Variants in AATF observed in about 807,000 individuals in gnomAD.
The protein encoded by AATF is apoptosis antagonizing transcription factor, also known as protein AATF.
A neutral mutation model predicts 63.7 loss-of-function variants in AATF; 48 were observed. That is an observed-to-expected ratio of 0.75 (90% CI 0.60 to 0.96). The LOEUF is 0.96. Ranked by LOEUF, AATF falls within the 40% of genes least tolerant of loss-of-function variation. AATF has a pLI of 0.00. For synonymous variants in AATF, 258 were observed against 247.7 expected, an observed-to-expected ratio of 1.04 and a Z score of -0.39; for missense variants, 639 against 685.7, an observed-to-expected ratio of 0.93 and a Z score of 0.76.
intron 1 of AATF, 58 bp downstream of exon 1, chr17:36,949,274 A>T: frequency 6.7e-7 from 1 of 1,496,772 alleles, no homozygotes; most frequent in South Asian, 1.2e-5. Flanking sequence ...CTGTGGGGCA[A>T]GGGGGCGGCG....
chr17:36,962,135 AT>A (rs1468020803), intron 4 of AATF, among the ~76,000 whole-genome samples: 2 of 152,242 alleles, frequency 1.3e-5, no homozygotes, highest in Non-Finnish European at 2.9e-5. Flanking sequence ...TAGGTGGGAA[AT>A]GAAGGCAATC....
At chr17:36,954,005 G>T in intron 4 of AATF, 98 bp downstream of exon 4, 1 of 1,336,496 alleles carries the variant, frequency 7.5e-7, no homozygotes, top group Non-Finnish European at 1.0e-6. Context: ...CATGTTTATT[G>T]TGCTTTCTTC....
At position 36,955,824 on chromosome 17, in the gene AATF, G is replaced by A. The variant is rs1285454666; in HGVS notation, c.832+1917G>A. Among the ~76,000 whole-genome samples, 3 of 152,260 alleles carry A rather than the reference G, an allele frequency of 2.0e-5. No homozygotes were observed. The East Asian group carries it at 5.8e-4, about 29-fold the overall frequency. On this transcript the variant is annotated intron_variant, in intron 4 of 11. Transcript: ENST00000619387. ...GTTGCCCAGGCTGGAGTGCAGTAGC[G>A]TGATCATAGCTCGTTGCAGCTTCGA...
intron 8 of AATF, among the ~76,000 whole-genome samples, chr17:36,993,310 C>G (rs2071229779): frequency 6.6e-6 from 1 of 152,164 alleles, no homozygotes; most frequent in Non-Finnish European, 1.5e-5. Flanking sequence ...GTTTTCCTCC[C>G]CCTCCCAAAT....
At position 37,009,556 on chromosome 17, in the gene AATF, G is replaced by A. The variant is rs187297683; in HGVS notation, c.1399-9449G>A. Among the ~76,000 whole-genome samples, 690 of 151,566 alleles carry A rather than the reference G, an allele frequency of 4.6e-3. 1 individual carries two copies. Among genetic ancestry groups the A allele is most frequent in the African/African-American group, 0.016 (651 of 41,386 alleles). On this transcript the variant is annotated intron_variant, in intron 8 of 11. Transcript: ENST00000619387. ...ATCCAGGCCGGGCGCGGTGGCTCAC[G>A]CCTGTAATCCCAGCACTTTGGGAGG...
intron 4 of AATF, among the ~76,000 whole-genome samples, chr17:36,973,951 A>T (rs1013802565): frequency 6.6e-6 from 1 of 152,084 alleles, no homozygotes; most frequent in African/African-American, 2.4e-5. Flanking sequence ...TACGCCTGTA[A>T]TCCCTGCCTC....
At chr17:36,957,376 C>T (rs2070910368) in intron 4 of AATF, among the ~76,000 whole-genome samples, 1 of 152,224 alleles carries the variant, frequency 6.6e-6, no homozygotes, top group Admixed American at 6.5e-5. Flanking sequence ...AGGCATTTGG[C>T]AGTGTTCGAC....
intron 10 of AATF, 78 bp downstream of exon 10, chr17:37,021,092 T>G: frequency 6.7e-6 from 7 of 1,045,396 alleles, no homozygotes; most frequent in Non-Finnish European, 9.4e-6. Context: ...GTTATGTCAT[T>G]TTTCTTTTTC....
intron 4 of AATF, among the ~76,000 whole-genome samples, chr17:36,981,556 A>G (rs1302842567): frequency 1.3e-5 from 2 of 149,472 alleles, no homozygotes; most frequent in Non-Finnish European, 3.0e-5. Context: ...TGATCCTCCC[A>G]CCTCAGCCTC....
At chr17:36,987,193 G>T in intron 5 of AATF, among the ~76,000 whole-genome samples, 1 of 141,610 alleles carries the variant, frequency 7.1e-6, no homozygotes, top group Non-Finnish European at 1.5e-5. Flanking sequence ...GTCTTGCTGT[G>T]TTTCCCTATC....
At position 36,953,036 on chromosome 17, in the gene AATF, A is replaced by G. The variant is rs1209829508; in HGVS notation, c.434A>G (p.Lys145Arg). Residue 145 changes from lysine to arginine, a missense_variant, in exon 3 of 12, where the codon AAA becomes AGA. Transcript: ENST00000619387. ...AAGAAGAGCAGAAGCCACTCTGCAA[A>G]AACACCGGGCTTCAGTGTCCAGAGT... ...ESKKSRSHSA[K>R]TPGFSVQSIS... is the part of the protein sequence containing the mutation. 5 of 1,614,170 alleles carry G rather than the reference A, an allele frequency of 3.1e-6. No individual in the cohort carries two copies. In the South Asian group the frequency reaches 4.4e-5, roughly 14 times the overall value.
intron 11 of AATF, among the ~76,000 whole-genome samples, chr17:37,037,547 T>C (rs538632291): frequency 2.0e-5 from 3 of 152,314 alleles, no homozygotes; most frequent in Admixed American, 6.5e-5. Flanking sequence ...AGTGCTTACA[T>C]TGTGTAATGT....
chr17:36,960,825 T>A (rs1383812583), intron 4 of AATF, among the ~76,000 whole-genome samples: 2 of 152,210 alleles, frequency 1.3e-5, no homozygotes, highest in Non-Finnish European at 2.9e-5. Flanking sequence ...CAAGATGATG[T>A]GAGTAAGATT....
chr17:37,004,346 GA>G (rs544222333), intron 8 of AATF, among the ~76,000 whole-genome samples: 6 of 152,224 alleles, frequency 3.9e-5, no homozygotes, highest in Admixed American at 2.0e-4. Flanking sequence ...GAGAGAGAGT[GA>G]GAGGAAATAA....
intron 8 of AATF, among the ~76,000 whole-genome samples, chr17:37,009,124 G>C (rs780180585): frequency 3.3e-5 from 5 of 151,796 alleles, no homozygotes; most frequent in African/African-American, 4.8e-5. Context: ...TTTTGTTTTG[G>C]TTTGGTTTTT....
At chr17:36,987,732 CT>C in intron 5 of AATF, among the ~76,000 whole-genome samples, 1 of 152,342 alleles carries the variant, frequency 6.6e-6, no homozygotes, top group East Asian at 1.9e-4. Context: ...TAATTGTTGC[CT>C]ACCGCTTTGA....
At chr17:37,025,326 G>A (rs2071502937) in intron 10 of AATF, among the ~76,000 whole-genome samples, 1 of 152,176 alleles carries the variant, frequency 6.6e-6, no homozygotes, top group Non-Finnish European at 1.5e-5. Context: ...AGGAGGATGT[G>A]GGTATTTATT....
chr17:37,021,792 G>A lies in AATF; in HGVS notation c.1547+778G>A, dbSNP rs1206039616. ...TGCACTCCAGCCTGGGCGACAGAGC[G>A]AGACTCCGTCTCAAAAAAAAAAAAA... On this transcript the variant is annotated intron_variant, in intron 10 of 11. Coordinates refer to ENST00000619387, the MANE Select transcript of AATF (RefSeq NM_012138.4). Among the ~76,000 whole-genome samples, 44 of 76,022 alleles carry A rather than the reference G, an allele frequency of 5.8e-4. 4 individuals are homozygous for A. Among genetic ancestry groups the A allele is most frequent in the South Asian group, 3.1e-3 (11 of 3,602 alleles). 49.9% of individuals were successfully genotyped at this position (76,022 alleles called of 152,430 possible).
rs892209473 is a variant in AATF, at chr17:36,968,087, T to G, written c.832+14180T>G. Among the ~76,000 whole-genome samples the G allele has an allele frequency of 2.0e-5, 3 of 151,738 alleles. No homozygotes were observed. The Middle Eastern group carries it at 0.01, about 516-fold the overall frequency. ...CTGTGTTTCCTTTCTCTCTGTCCTC[T>G]CTCTTTCTGGAAGGCCTATTACTTG... On this transcript the variant is annotated intron_variant, in intron 4 of 11. Transcript: ENST00000619387.
Sources: gnomAD v4.1 joint callset for allele counts (sites outside exome capture counted in the v4.1 genomes callset) on GRCh38, gnomAD v4.1.1 for gene constraint, MANE v1.5 for transcripts, NCBI Gene and HGNC (gene_info 2026-07-23, HGNC 2026-07-21) for gene names.